Variants in TRIM55 observed in about 807,000 individuals in gnomAD.
The protein encoded by TRIM55 is tripartite motif-containing protein 55.
TRIM55 carries 50 observed loss-of-function variants against 60.9 expected under a neutral mutation model. The ratio of observed to expected loss-of-function variants is 0.82; its 90% CI spans 0.65 to 1.04. The LOEUF is 1.04. TRIM55 is among the 50% of genes least tolerant of loss of function. TRIM55 has a pLI of 0.00. For missense variants in TRIM55, 681 were observed against 666.9 expected (o/e 1.02, Z -0.23); for synonymous variants, 237 against 238.1 (o/e 1.00, Z 0.04).
chr8:66,161,035 T>C (rs1306806859), intron 9 of TRIM55, among the ~76,000 whole-genome samples: 4 of 152,116 alleles, frequency 2.6e-5, no homozygotes, highest in Non-Finnish European at 5.9e-5. Flanking sequence ...TTAAGTCCCA[T>C]CTATTTGTCT....
chr8:66,154,398 C>A (rs1810626042), intron 9 of TRIM55, 64 bp downstream of exon 9: 2 of 1,532,694 alleles, frequency 1.3e-6, no homozygotes, highest in African/African-American at 1.4e-5. Flanking sequence ...TGGAACAGGC[C>A]ACAGCAAGAA....
chr8:66,114,731 T>C, the TRIM55 span: 2 of 430,066 alleles, frequency 4.7e-6, no homozygotes, highest in Non-Finnish European at 9.3e-6. Context: ...TGCCTGGCTC[T>C]GGGCAGATCC....
chr8:66,146,622 A>G (rs1182380381), intron 4 of TRIM55, among the ~76,000 whole-genome samples: 2 of 152,238 alleles, frequency 1.3e-5, no homozygotes, highest in East Asian at 3.8e-4. Context: ...CAAGCTGGAA[A>G]CCATTATATG....
chr8:66,114,686 A>G, the TRIM55 span: 1 of 455,802 alleles, frequency 2.2e-6, no homozygotes, highest in Non-Finnish European at 4.4e-6. Context: ...GGAAGCAGGA[A>G]CTGTTCGGCC....
chr8:66,171,446 A>G (rs1811627254), intron 9 of TRIM55, among the ~76,000 whole-genome samples: 2 of 152,222 alleles, frequency 1.3e-5, no homozygotes, highest in African/African-American at 4.8e-5. Context: ...ATGTCTGCTT[A>G]GTATCTAAGG....
intron 4 of TRIM55, among the ~76,000 whole-genome samples, chr8:66,137,497 A>G (rs1809547889): frequency 6.6e-6 from 1 of 152,230 alleles, no homozygotes; most frequent in South Asian, 2.1e-4. Context: ...TGTTGTTGCT[A>G]TTACAGCAAA....
At chr8:66,159,170 C>T (rs987646112) in intron 9 of TRIM55, among the ~76,000 whole-genome samples, 9 of 152,228 alleles carry the variant, frequency 5.9e-5, no homozygotes, top group African/African-American at 1.9e-4. Flanking sequence ...AAAGTTCCCT[C>T]ATGTGTCTTT....
chr8:66,158,302 C>T (rs1469721992), intron 9 of TRIM55, among the ~76,000 whole-genome samples: 1 of 152,130 alleles, frequency 6.6e-6, no homozygotes, highest in East Asian at 1.9e-4. Flanking sequence ...TTCACCAGAA[C>T]ACAAAGTTGC....
At position 66,148,883 on chromosome 8, in the gene TRIM55, T is replaced by C. The variant is rs907597365; in HGVS notation, c.604-762T>C. Among the ~76,000 whole-genome samples the C allele has an allele frequency of 8.5e-5, 13 of 152,278 alleles. No homozygotes were observed. In the South Asian group the frequency reaches 2.1e-3, roughly 24 times the overall value. On this transcript the variant is annotated intron_variant, in intron 4 of 9. Transcript: ENST00000315962. The stretch of plus-strand genomic sequence containing the variant: ...GGCCAATGTGGTGAAACCCCATCTC[T>C]ACTAAAAATTCAAAAATTAGCTGGG...
At chr8:66,124,372 C>G (rs191366269), upstream of TRIM55, among the ~76,000 whole-genome samples, 4 of 152,340 alleles carry the variant, frequency 2.6e-5, no homozygotes, top group Admixed American at 6.5e-5. Flanking sequence ...AGCACAGTAT[C>G]CATGGCCAGC....
the TRIM55 span, among the ~76,000 whole-genome samples, chr8:66,119,327 C>T: frequency 6.6e-6 from 1 of 152,252 alleles, no homozygotes; most frequent in African/African-American, 2.4e-5. Context: ...TGCACTCTCT[C>T]TGCTCACTGT....
At chr8:66,158,141 C>CCACA (rs35285600) in intron 9 of TRIM55, among the ~76,000 whole-genome samples, 2,074 of 114,830 alleles carry the variant, frequency 0.018, 47 homozygotes, top group Middle Eastern at 0.029. Flanking sequence ...GATCTCCCCA[C>CCACA]CACACACACA....
intron 2 of TRIM55, among the ~76,000 whole-genome samples, chr8:66,130,186 A>G (rs775387553): frequency 1.3e-5 from 2 of 152,248 alleles, no homozygotes; most frequent in South Asian, 2.1e-4. Flanking sequence ...CACCTTAGCT[A>G]TGAAGTTGGC....
At chr8:66,133,951 A>T (rs13439253) in intron 2 of TRIM55, among the ~76,000 whole-genome samples, 11,334 of 152,238 alleles carry the variant, frequency 0.074, 655 homozygotes, top group African/African-American at 0.17. Context: ...ACACACACAC[A>T]AACACACATA....
chr8:66,146,570 CATATT>C (rs760735911), intron 4 of TRIM55, among the ~76,000 whole-genome samples: 12 of 152,094 alleles, frequency 7.9e-5, no homozygotes, highest in Admixed American at 1.3e-4. Context: ...ATATAATACT[CATATT>C]ATAAATGTTT....
intron 4 of TRIM55, among the ~76,000 whole-genome samples, chr8:66,148,679 A>G (rs1810236337): frequency 6.6e-6 from 1 of 152,200 alleles, no homozygotes; most frequent in Non-Finnish European, 1.5e-5. Context: ...TTGGAACCAG[A>G]TCATGGAGGG....
chr8:66,127,122 C>G, upstream of TRIM55: 1 of 895,038 alleles, frequency 1.1e-6, no homozygotes, highest in Non-Finnish European at 1.6e-6. Flanking sequence ...AGCACCCACT[C>G]CAAACCAGGG....
the TRIM55 span, among the ~76,000 whole-genome samples, chr8:66,118,931 G>T: frequency 5.9e-5 from 9 of 152,326 alleles, no homozygotes; most frequent in East Asian, 1.7e-3. Context: ...GCATGCATGT[G>T]TGAATATTGC....
intron 4 of TRIM55, among the ~76,000 whole-genome samples, chr8:66,146,863 A>G (rs1442885079): frequency 6.6e-6 from 1 of 152,182 alleles, no homozygotes; most frequent in African/African-American, 2.4e-5. Flanking sequence ...GACATGCTGC[A>G]TGGGCCCTTG....
Sources: allele counts gnomAD v4.1 joint callset (sites outside exome capture counted in the v4.1 genomes callset), GRCh38; gene constraint gnomAD v4.1.1; transcripts MANE v1.5; gene names NCBI Gene and HGNC (gene_info 2026-07-23, HGNC 2026-07-21).